The following KCNMA1 variants were observed in gnomAD, a reference collection of about 807,000 sequenced individuals.
KCNMA1 encodes Calcium-activated potassium channel subunit alpha-1.
Under a neutral mutation model 140.0 loss-of-function variants are expected in KCNMA1, and 29 were observed. The ratio of observed to expected loss-of-function variants is 0.21; its 90% CI spans 0.15 to 0.28. The LOEUF (loss-of-function observed/expected upper bound fraction) is 0.28, where lower values mean the gene tolerates loss of function less well. Ranked by LOEUF, KCNMA1 falls within the 10% of genes least tolerant of loss-of-function variation. The pLI, the probability that KCNMA1 is intolerant of heterozygous loss-of-function variation, is 1.00. For synonymous variants in KCNMA1, 612 were observed against 611.9 expected (o/e 1.00, Z 0.00); for missense variants, 880 against 1,602.2 (o/e 0.55, Z 7.70).
At chr10:77,545,853 A>C (rs1248492480) in intron 1 of KCNMA1, among the ~76,000 whole-genome samples, 2 of 152,182 alleles carry the variant, frequency 1.3e-5, no homozygotes, top group Non-Finnish European at 1.5e-5. Context: ...AATATAGCTC[A>C]GCTCGGACTG....
intron 3 of KCNMA1, among the ~76,000 whole-genome samples, chr10:77,217,064 GGA>G (rs2154183239): frequency 6.6e-6 from 1 of 152,196 alleles, no homozygotes; most frequent in East Asian, 1.9e-4. Flanking sequence ...CAGCACTTTG[GGA>G]GGCTGAGGCG....
intron 2 of KCNMA1, among the ~76,000 whole-genome samples, chr10:77,304,950 T>C (rs74140134): frequency 6.6e-6 from 1 of 152,274 alleles, no homozygotes; most frequent in African/African-American, 2.4e-5. Context: ...AGAACCAAGG[T>C]AATGCTTCCC....
intron 2 of KCNMA1, among the ~76,000 whole-genome samples, chr10:77,317,506 C>T (rs2081196042): frequency 6.6e-6 from 1 of 152,172 alleles, no homozygotes; most frequent in Admixed American, 6.5e-5. Flanking sequence ...GGGAGAGAAT[C>T]CACACTCGCA....
intron 14 of KCNMA1, among the ~76,000 whole-genome samples, chr10:77,069,093 G>T (rs1164023673): frequency 1.3e-5 from 2 of 152,184 alleles, no homozygotes; most frequent in East Asian, 3.9e-4. Context: ...CAAGTAGAGA[G>T]TAAGTGTGGC....
intron 2 of KCNMA1, among the ~76,000 whole-genome samples, chr10:77,283,713 C>T (rs1452772043): frequency 6.6e-6 from 1 of 152,202 alleles, no homozygotes; most frequent in African/African-American, 2.4e-5. Context: ...AGTGCTCATC[C>T]TGTGCTGGGA....
At chr10:76,877,058 T>A (rs1187897120), downstream of KCNMA1, 1 of 152,742 alleles carries the variant, frequency 6.5e-6, no homozygotes, top group Non-Finnish European at 1.5e-5. Context: ...GCAGAAGGTC[T>A]TCCCTTTAAA....
At chr10:77,617,936 A>G (rs2090126756) in intron 1 of KCNMA1, among the ~76,000 whole-genome samples, 1 of 152,130 alleles carries the variant, frequency 6.6e-6, no homozygotes, top group Non-Finnish European at 1.5e-5. Flanking sequence ...ATCTATTTCA[A>G]TCTCCTGGGT....
chr10:77,075,574 T>C (rs1212755724), intron 13 of KCNMA1, among the ~76,000 whole-genome samples: 1 of 152,220 alleles, frequency 6.6e-6, no homozygotes, highest in Non-Finnish European at 1.5e-5. Flanking sequence ...GGGTCCCCCA[T>C]GGCCCTGTCT....
At chr10:77,634,491 A>G in intron 1 of KCNMA1, 2 of 985,422 alleles carry the variant, frequency 2.0e-6, no homozygotes, top group East Asian at 2.3e-4. Flanking sequence ...GTGCGATCCC[A>G]GAGACCAAAC....
chr10:77,170,052 G>T (rs974939095), intron 5 of KCNMA1, among the ~76,000 whole-genome samples: 1 of 152,068 alleles, frequency 6.6e-6, no homozygotes, highest in African/African-American at 2.4e-5. Context: ...TTAGCTGGGC[G>T]TGGTGGTGGG....
At chr10:77,273,529 T>C (rs547483462) in intron 2 of KCNMA1, among the ~76,000 whole-genome samples, 2 of 152,330 alleles carry the variant, frequency 1.3e-5, no homozygotes, top group Non-Finnish European at 2.9e-5. Context: ...CTGAAAAGGT[T>C]TGTGGAATGG....
chr10:76,889,961 C>A (rs2039174034), intron 26 of KCNMA1, among the ~76,000 whole-genome samples: 1 of 152,196 alleles, frequency 6.6e-6, no homozygotes, highest in Non-Finnish European at 1.5e-5. Context: ...CCCAGCTCAG[C>A]TGTAACCGCT....
chr10:77,554,718 G>A (rs866061668), intron 1 of KCNMA1, among the ~76,000 whole-genome samples: 23 of 152,088 alleles, frequency 1.5e-4, no homozygotes, highest in African/African-American at 5.1e-4. Flanking sequence ...CTTTGCCTCT[G>A]CCCAAGGAGC....
At chr10:76,950,719 C>G (rs547332890) in intron 21 of KCNMA1, among the ~76,000 whole-genome samples, 62 of 152,326 alleles carry the variant, frequency 4.1e-4, no homozygotes, top group African/African-American at 1.4e-3. Flanking sequence ...CAATTCACAA[C>G]AATGTCAGGG....
At chr10:77,017,550 T>A (rs1487330358) in intron 17 of KCNMA1, among the ~76,000 whole-genome samples, 1 of 152,174 alleles carries the variant, frequency 6.6e-6, no homozygotes, top group African/African-American at 2.4e-5. Context: ...TAAATTTAAG[T>A]TATTAGAGCA....
chr10:77,054,175 G>A (rs2095468798), intron 14 of KCNMA1, among the ~76,000 whole-genome samples: 1 of 152,164 alleles, frequency 6.6e-6, no homozygotes, highest in African/African-American at 2.4e-5. Flanking sequence ...ATCCCATTCT[G>A]AAGGGGAATC....
intron 5 of KCNMA1, among the ~76,000 whole-genome samples, chr10:77,156,227 TAAAAAAAAAAAAAAAA>T (rs58950492): frequency 8.3e-6 from 1 of 120,592 alleles, no homozygotes; most frequent in Non-Finnish European, 1.7e-5. Flanking sequence ...GACTCCATCT[TAAAAAAAAAAAAAAAA>T]AAAAAAAAAA....
intron 27 of KCNMA1, 24 bp downstream of exon 27, chr10:76,889,427 G>T: frequency 7.0e-7 from 1 of 1,434,188 alleles, no homozygotes; most frequent in Non-Finnish European, 9.8e-7. Context: ...TAGGTGGGAG[G>T]GCAGAGTTGA....
intron 1 of KCNMA1, among the ~76,000 whole-genome samples, chr10:77,481,774 CAAAAAA>C (rs61269933): frequency 7.5e-6 from 1 of 132,820 alleles, no homozygotes. Flanking sequence ...GACTCTGTCT[CAAAAAA>C]AAAAAAAAAA....
Sources: allele counts gnomAD v4.1 joint callset (sites outside exome capture counted in the v4.1 genomes callset), GRCh38; gene constraint gnomAD v4.1.1; transcripts MANE v1.5; gene names NCBI Gene and HGNC (gene_info 2026-07-23, HGNC 2026-07-21).